ZNF560: variants seen among roughly 807,000 people sequenced by gnomAD.
ZNF560 encodes zinc finger protein 560.
Under a neutral mutation model 81.8 loss-of-function variants are expected in ZNF560, and 54 were observed. The ratio of observed to expected loss-of-function variants is 0.66; its 90% CI spans 0.53 to 0.83. The LOEUF (loss-of-function observed/expected upper bound fraction) is 0.83. Among genes scored for constraint, ZNF560 ranks in the 40% least tolerant of loss-of-function variants. The pLI is 0.00. For missense variants in ZNF560, 940 were observed against 932.4 expected, an observed-to-expected ratio of 1.01 and a Z score of -0.11; for synonymous variants, 321 against 317.9, an observed-to-expected ratio of 1.01 and a Z score of -0.10.
chr19:9,454,662 A>G, the ZNF560 span, among the ~76,000 whole-genome samples: 5 of 152,170 alleles, frequency 3.3e-5, no homozygotes, highest in Non-Finnish European at 7.3e-5. Context: ...TGGTAGAGAA[A>G]TATTGCCCCT....
chr19:9,453,826 T>A, the ZNF560 span, among the ~76,000 whole-genome samples: 1 of 152,244 alleles, frequency 6.6e-6, no homozygotes, highest in African/African-American at 2.4e-5. Flanking sequence ...AAGAAAGTAC[T>A]GTATGAGTTA....
chr19:9,452,653 G>C, the ZNF560 span, among the ~76,000 whole-genome samples: 2 of 152,210 alleles, frequency 1.3e-5, no homozygotes, highest in African/African-American at 2.4e-5. Context: ...CACAGGAACA[G>C]AAACCTAAAT....
the ZNF560 span, among the ~76,000 whole-genome samples, chr19:9,505,205 C>CAT: frequency 6.6e-6 from 1 of 152,220 alleles, no homozygotes; most frequent in Non-Finnish European, 1.5e-5. Flanking sequence ...GAATTAAAGG[C>CAT]ATATACCATC....
At chr19:9,487,496 G>A (rs1166003523) in intron 2 of ZNF560, among the ~76,000 whole-genome samples, 1 of 152,194 alleles carries the variant, frequency 6.6e-6, no homozygotes, top group African/African-American at 2.4e-5. Context: ...TACACTTTGA[G>A]AGGCTCATGA....
Position 9,467,589 on chromosome 19 carries a change from A to C in ZNF560, c.1358T>G (p.Val453Gly). 1.9e-6 allele frequency: 3 copies of C among 1,613,980 alleles called. No individual in the cohort carries two copies. Among genetic ancestry groups the C allele is most frequent in the Non-Finnish European group, 2.5e-6 (3 of 1,179,972 alleles). ...CTCATATGGCTTCTCTCCATTATGA[A>C]CTCTCAAATGTCCAAAAAGAGATGG... ...SYPSLFGHLR[V>G]HNGEKPYEHK... The change falls in exon 10 of 10, where the codon GTT becomes GGT. Residue 453 changes from valine (V) to glycine (G), a missense_variant. Transcript: ENST00000301480.
upstream of ZNF560, among the ~76,000 whole-genome samples, chr19:9,500,600 A>G (rs1324740083): frequency 1.3e-5 from 2 of 151,460 alleles, no homozygotes; most frequent in African/African-American, 2.4e-5. Context: ...TTTTGAGACA[A>G]TCTCGCTCTG....
chr19:9,495,301 T>C (rs2144731303), intron 2 of ZNF560, among the ~76,000 whole-genome samples: 1 of 152,142 alleles, frequency 6.6e-6, no homozygotes, highest in East Asian at 1.9e-4. Flanking sequence ...GCTGGAGTGA[T>C]ACACTGAATA....
At chr19:9,460,973 T>C in the ZNF560 span, among the ~76,000 whole-genome samples, 2 of 152,100 alleles carry the variant, frequency 1.3e-5, no homozygotes, top group African/African-American at 4.8e-5. Flanking sequence ...GATCAGATGG[T>C]AAAAATGATA....
In ZNF560 at chr19:9,467,049, C is replaced by G; in HGVS notation, c.1898G>C (p.Cys633Ser). The change falls in exon 10 of 10, where the codon TGT (cysteine) becomes TCT (serine). Residue 633 changes from cysteine (C) to serine (S), a missense_variant. Physicochemically the swap from Cys to Ser is moderately radical, Grantham distance 112. Coordinates refer to ENST00000301480, the MANE Select transcript of ZNF560 (RefSeq NM_152476.3). ...GGAGGAGACAACAAAGGCTTTCCCA[C>G]AGTCCTTATATTCATAGGGCTTATC... The part of the protein sequence containing the change: ...TGDKPYEYKD[C>S]GKAFVVSSSL... The G allele has an allele frequency of 6.2e-7, 1 of 1,614,096 alleles. No homozygotes were observed. Among genetic ancestry groups the G allele is most frequent in the Non-Finnish European group, 8.5e-7 (1 of 1,180,038 alleles).
At chr19:9,472,434 T>A (rs954896653) in intron 5 of ZNF560, among the ~76,000 whole-genome samples, 1 of 152,180 alleles carries the variant, frequency 6.6e-6, no homozygotes, top group African/African-American at 2.4e-5. Flanking sequence ...CTGCTCTCCA[T>A]CCTAATTGCC....
At chr19:9,448,991 T>C in the ZNF560 span, among the ~76,000 whole-genome samples, 1 of 152,202 alleles carries the variant, frequency 6.6e-6, no homozygotes, top group Non-Finnish European at 1.5e-5. Flanking sequence ...ACCTTCAACA[T>C]TGGAGCATTC....
chr19:9,458,898 G>A, the ZNF560 span, among the ~76,000 whole-genome samples: 1 of 152,194 alleles, frequency 6.6e-6, no homozygotes, highest in East Asian at 1.9e-4. Context: ...TCCCTCGTTT[G>A]GGAGACTAGC....
the ZNF560 span, among the ~76,000 whole-genome samples, chr19:9,452,916 A>G: frequency 0.048 from 7,297 of 152,288 alleles, 604 homozygotes; most frequent in African/African-American, 0.17. Flanking sequence ...AGAAAAAATA[A>G]TGTACTACAA....
At chr19:9,484,772 G>A (rs577144650) in intron 2 of ZNF560, among the ~76,000 whole-genome samples, 1 of 150,018 alleles carries the variant, frequency 6.7e-6, no homozygotes, top group Non-Finnish European at 1.5e-5. Flanking sequence ...GACAGAGCAA[G>A]ACTCCATCTC....
At chr19:9,447,554 C>T in the ZNF560 span, among the ~76,000 whole-genome samples, 23 of 151,884 alleles carry the variant, frequency 1.5e-4, 1 homozygote, top group Admixed American at 1.4e-3. Flanking sequence ...GAACTGAAAA[C>T]CTCACTTAAG....
chr19:9,485,490 G>T (rs1382996572), intron 2 of ZNF560, among the ~76,000 whole-genome samples: 2 of 140,240 alleles, frequency 1.4e-5, no homozygotes, highest in East Asian at 4.2e-4. Context: ...CTGGACGACA[G>T]AGCAAGACTA....
chr19:9,506,474 A>AAT, the ZNF560 span, among the ~76,000 whole-genome samples: 4 of 151,090 alleles, frequency 2.6e-5, no homozygotes, highest in South Asian at 8.3e-4. Flanking sequence ...ATACACTTAT[A>AAT]ATTTTTATTG....
intron 2 of ZNF560, among the ~76,000 whole-genome samples, chr19:9,483,080 G>A (rs1439527859): frequency 4.6e-5 from 7 of 151,926 alleles, no homozygotes; most frequent in African/African-American, 1.4e-4. Flanking sequence ...CTGCCCGGCC[G>A]CCACCCCGTC....
At chr19:9,499,314 A>C (rs2073611390), upstream of ZNF560, among the ~76,000 whole-genome samples, 2 of 151,842 alleles carry the variant, frequency 1.3e-5, no homozygotes, top group African/African-American at 4.8e-5. Flanking sequence ...AGCTGGGACC[A>C]CGGGCGCACC....
Sources: gnomAD v4.1 joint callset for allele counts (sites outside exome capture counted in the v4.1 genomes callset) on GRCh38, gnomAD v4.1.1 for gene constraint, MANE v1.5 for transcripts, NCBI Gene and HGNC (gene_info 2026-07-23, HGNC 2026-07-21) for gene names.